Variants in CLDN10 observed in about 807,000 individuals in gnomAD.
CLDN10 encodes the protein claudin 10.
A neutral mutation model predicts 22.9 loss-of-function variants in CLDN10; 15 were observed. The observed-to-expected ratio is 0.65, with a 90% CI of 0.44 to 1.01. The LOEUF (loss-of-function observed/expected upper bound fraction) is 1.01. CLDN10 is among the 50% of genes least tolerant of loss of function. The pLI, the probability that CLDN10 is intolerant of heterozygous loss-of-function variation, is 0.00. For missense variants in CLDN10, 247 were observed against 287.8 expected, an observed-to-expected ratio of 0.86 and a Z score of 1.03; for synonymous variants, 114 against 111.4, an observed-to-expected ratio of 1.02 and a Z score of -0.15.
intron 1 of CLDN10, among the ~76,000 whole-genome samples, chr13:95,514,650 G>A (rs184462416): frequency 1.3e-5 from 2 of 152,292 alleles, no homozygotes; most frequent in African/African-American, 2.4e-5. Flanking sequence ...GAGAGTAGCC[G>A]ATGATGGGGA....
At chr13:95,574,943 GTGTT>G (rs2043905504) in intron 3 of CLDN10, among the ~76,000 whole-genome samples, 2 of 152,148 alleles carry the variant, frequency 1.3e-5, no homozygotes, top group Non-Finnish European at 2.9e-5. Context: ...TACTGTGTCT[GTGTT>G]TGTAATGCTC....
intron 1 of CLDN10, among the ~76,000 whole-genome samples, chr13:95,495,128 T>A (rs1324081258): frequency 4.6e-5 from 7 of 151,762 alleles, no homozygotes; most frequent in African/African-American, 1.5e-4. Context: ...CTCCACCTCC[T>A]GAGTTCAAGC....
chr13:95,488,504 A>G (rs1246613764), intron 1 of CLDN10, among the ~76,000 whole-genome samples: 2 of 101,670 alleles, frequency 2.0e-5, no homozygotes, highest in Non-Finnish European at 3.9e-5. Context: ...GTAGTCTTTT[A>G]TCCCTTGCCC....
At chr13:95,505,028 A>G (rs2043023908) in intron 1 of CLDN10, among the ~76,000 whole-genome samples, 1 of 152,230 alleles carries the variant, frequency 6.6e-6, no homozygotes, top group African/African-American at 2.4e-5. Flanking sequence ...GGTGGCAGGG[A>G]ATTAGGGTAA....
At chr13:95,450,310 A>T (rs920277016) in intron 1 of CLDN10, among the ~76,000 whole-genome samples, 2 of 152,154 alleles carry the variant, frequency 1.3e-5, no homozygotes, top group African/African-American at 4.8e-5. Context: ...TTGAAACCAG[A>T]CTTTGTTGTG....
intron 1 of CLDN10, among the ~76,000 whole-genome samples, chr13:95,531,405 C>A (rs747190167): frequency 1.3e-5 from 2 of 152,076 alleles, no homozygotes; most frequent in African/African-American, 2.4e-5. Flanking sequence ...TTTAAAGAAG[C>A]CATAGGGCAT....
At chr13:95,524,863 T>A (rs9590294) in intron 1 of CLDN10, among the ~76,000 whole-genome samples, 57,319 of 130,992 alleles carry the variant, frequency 0.44, 11,297 homozygotes, top group African/African-American at 0.51. Flanking sequence ...TTATTTATTT[T>A]TATTTTTTTT....
intron 1 of CLDN10, among the ~76,000 whole-genome samples, chr13:95,477,859 A>C (rs2042700630): frequency 6.6e-6 from 1 of 152,122 alleles, no homozygotes; most frequent in South Asian, 2.1e-4. Context: ...CAGATGGAGG[A>C]GGAGGAGGAA....
chr13:95,507,145 GA>G (rs957662745), intron 1 of CLDN10, among the ~76,000 whole-genome samples: 4 of 152,082 alleles, frequency 2.6e-5, no homozygotes, highest in African/African-American at 7.2e-5. Flanking sequence ...TCTCCTTTGA[GA>G]AAAAAATATT....
intron 1 of CLDN10, among the ~76,000 whole-genome samples, chr13:95,457,273 A>T (rs2042491287): frequency 6.6e-6 from 1 of 152,160 alleles, no homozygotes; most frequent in Non-Finnish European, 1.5e-5. Context: ...CTAAAAAAAA[A>T]TTGTTGAGTT....
chr13:95,457,130 C>T (rs1594531466), intron 1 of CLDN10, among the ~76,000 whole-genome samples: 2 of 152,140 alleles, frequency 1.3e-5, no homozygotes, highest in South Asian at 4.1e-4. Flanking sequence ...TTCTGGTCAC[C>T]TCTGTTGTTG....
At chr13:95,503,069 C>T (rs916840530) in intron 1 of CLDN10, among the ~76,000 whole-genome samples, 2 of 152,174 alleles carry the variant, frequency 1.3e-5, no homozygotes, top group African/African-American at 2.4e-5. Flanking sequence ...TGCTCAAATG[C>T]TTCCTGTGTA....
intron 1 of CLDN10, among the ~76,000 whole-genome samples, chr13:95,498,758 C>A (rs984643783): frequency 1.3e-5 from 2 of 152,192 alleles, no homozygotes; most frequent in Non-Finnish European, 2.9e-5. Context: ...ATAAACTTTA[C>A]CACATTGACC....
chr13:95,454,913 G>A (rs77356481), intron 1 of CLDN10, among the ~76,000 whole-genome samples: 13,798 of 152,156 alleles, frequency 0.091, 889 homozygotes, highest in South Asian at 0.22. Flanking sequence ...TTGGCTGGGC[G>A]TGGTGGCTCA....
intron 1 of CLDN10, among the ~76,000 whole-genome samples, chr13:95,536,180 T>C (rs1490877896): frequency 2.9e-5 from 1 of 34,772 alleles, no homozygotes; most frequent in African/African-American, 6.3e-5. Context: ...TTTTCCTAAA[T>C]TTGAAAAAAA....
In CLDN10 at chr13:95,448,450, A is replaced by T. The variant is rs183337362; in HGVS notation, c.214+14403A>T. Among the ~76,000 whole-genome samples the T allele has an allele frequency of 4.4e-3, 671 of 152,332 alleles. 1 individual carries two copies. The highest frequency in any genetic ancestry group is 8.2e-3 in the Non-Finnish European group (559 of 68,032). On this transcript the variant is annotated intron_variant, in intron 1 of 4. Coordinates refer to the CLDN10 transcript ENST00000376873. ...TACACATACACCATGCACCTTGCAG[A>T]CACCTCATACATGTCACACGCATAG...
chr13:95,459,224 G>C (rs1244914852), intron 1 of CLDN10, among the ~76,000 whole-genome samples: 2 of 152,156 alleles, frequency 1.3e-5, no homozygotes, highest in African/African-American at 2.4e-5. Context: ...CAGGTGCATG[G>C]TGTAAGCCGT....
chr13:95,465,061 A>G (rs569552269), intron 1 of CLDN10, among the ~76,000 whole-genome samples: 2 of 152,264 alleles, frequency 1.3e-5, no homozygotes, highest in African/African-American at 4.8e-5. Context: ...CTGGGAAGAA[A>G]ATAAATTTAA....
intron 1 of CLDN10, among the ~76,000 whole-genome samples, chr13:95,439,037 G>T (rs2042299508): frequency 6.6e-6 from 1 of 151,068 alleles, no homozygotes; most frequent in South Asian, 2.1e-4. Flanking sequence ...GAGAAAGAGG[G>T]TTTTCTGTGG....
Sources: gnomAD v4.1 joint callset for allele counts (sites outside exome capture counted in the v4.1 genomes callset) on GRCh38, gnomAD v4.1.1 for gene constraint, MANE v1.5 for transcripts, NCBI Gene and HGNC (gene_info 2026-07-23, HGNC 2026-07-21) for gene names.